SHISA9: variants seen among roughly 807,000 people sequenced by gnomAD.
The protein encoded by SHISA9 is shisa family member 9, also known as protein shisa-9.
Under a neutral mutation model 38.0 loss-of-function variants are expected in SHISA9, and 13 were observed. The observed-to-expected ratio is 0.34, with a 90% CI of 0.22 to 0.54. The LOEUF is 0.54. Ranked by LOEUF, SHISA9 falls within the 20% of genes least tolerant of loss-of-function variation. The pLI is 0.91. For missense variants in SHISA9, 538 were observed against 575.8 expected, an observed-to-expected ratio of 0.93 and a Z score of 0.67; for synonymous variants, 275 against 242.0, an observed-to-expected ratio of 1.14 and a Z score of -1.27.
the SHISA9 span, among the ~76,000 whole-genome samples, chr16:13,434,703 C>T: frequency 2.6e-5 from 4 of 152,130 alleles, no homozygotes; most frequent in South Asian, 8.3e-4. Context: ...CAGGCATGAG[C>T]CACCGTGCCA....
chr16:13,403,961 C>T, the SHISA9 span, among the ~76,000 whole-genome samples: 1 of 152,122 alleles, frequency 6.6e-6, no homozygotes, highest in East Asian at 1.9e-4. Flanking sequence ...CCTATCAAGT[C>T]AGAGTTTGAT....
the SHISA9 span, among the ~76,000 whole-genome samples, chr16:13,449,252 T>A: frequency 6.6e-6 from 1 of 152,156 alleles, no homozygotes; most frequent in African/African-American, 2.4e-5. Flanking sequence ...CAGCAAGAAA[T>A]AGACCAAAAT....
chr16:13,446,934 C>T, the SHISA9 span, among the ~76,000 whole-genome samples: 1 of 149,538 alleles, frequency 6.7e-6, no homozygotes, highest in Non-Finnish European at 1.5e-5. Flanking sequence ...GAACCGAGAT[C>T]TTGCCACTGC....
intron 2 of SHISA9, among the ~76,000 whole-genome samples, chr16:12,925,439 G>C (rs1199023876): frequency 1.1e-4 from 10 of 87,234 alleles, no homozygotes; most frequent in Non-Finnish European, 1.9e-4. Flanking sequence ...ATGAGATTGT[G>C]TGTGTGTATG....
At chr16:13,515,307 C>G in the SHISA9 span, among the ~76,000 whole-genome samples, 1 of 152,200 alleles carries the variant, frequency 6.6e-6, no homozygotes, top group Non-Finnish European at 1.5e-5. Context: ...GGAATTTCCT[C>G]AGGCAGAAGA....
At chr16:12,971,977 A>G (rs1415518601) in intron 2 of SHISA9, among the ~76,000 whole-genome samples, 1 of 151,936 alleles carries the variant, frequency 6.6e-6, no homozygotes, top group Non-Finnish European at 1.5e-5. Context: ...TATGCCAGAC[A>G]CAATTCTAGA....
chr16:13,045,515 A>T lies in SHISA9; in HGVS notation c.691+128700A>T, dbSNP rs1214027881. Reference sequence around the variant, plus strand: ...CTCAAGAAATATTTATTGAGCATCTACTACATGCTTGGCTCTGTTGAAAAC... The same window carrying T: ...CTCAAGAAATATTTATTGAGCATCTTCTACATGCTTGGCTCTGTTGAAAAC... On this transcript the variant is annotated intron_variant, in intron 2 of 4. Coordinates refer to ENST00000558583, the MANE Select transcript of SHISA9 (RefSeq NM_001145204.3). 2.0e-5 allele frequency among the ~76,000 whole-genome samples: 3 copies of T among 151,662 alleles called. No individual in the cohort carries two copies. The East Asian group carries it at 5.9e-4, about 30-fold the overall frequency.
At chr16:13,445,260 T>C in the SHISA9 span, among the ~76,000 whole-genome samples, 1 of 152,136 alleles carries the variant, frequency 6.6e-6, no homozygotes, top group African/African-American at 2.4e-5. Context: ...CAGAGTCTTG[T>C]GGATCCTTCT....
chr16:13,427,856 T>C, the SHISA9 span, among the ~76,000 whole-genome samples: 3 of 152,162 alleles, frequency 2.0e-5, no homozygotes, highest in African/African-American at 7.2e-5. Context: ...CACTCAATAA[T>C]GGGTCAAAAG....
chr16:13,097,441 G>A (rs2073839223), intron 2 of SHISA9, among the ~76,000 whole-genome samples: 1 of 151,568 alleles, frequency 6.6e-6, no homozygotes, highest in Non-Finnish European at 1.5e-5. Flanking sequence ...TTTTTGAGTG[G>A]GGTTTTGCTT....
In SHISA9 at chr16:13,211,094, C is replaced by T. The variant is rs550328717; in HGVS notation, c.848-2159C>T. Among the ~76,000 whole-genome samples, 199 of 152,154 alleles carry T rather than the reference C, an allele frequency of 1.3e-3. 1 individual carries two copies. The highest frequency in any genetic ancestry group is 4.6e-3 in the African/African-American group (191 of 41,506). On this transcript the variant is annotated intron_variant, in intron 3 of 4. Transcript: ENST00000558583. The stretch of plus-strand genomic sequence containing the variant: ...GACAGATCACTTGAGATCAGGAGTT[C>T]GAGACCAGCCTGGCCAACGTGGTGA...
chr16:13,560,397 A>C, the SHISA9 span, among the ~76,000 whole-genome samples: 10 of 152,182 alleles, frequency 6.6e-5, no homozygotes, highest in East Asian at 1.9e-4. Flanking sequence ...CTAATCATGG[A>C]GCTAAGTATT....
At chr16:12,992,109 A>G (rs1488235147) in intron 2 of SHISA9, among the ~76,000 whole-genome samples, 2 of 152,266 alleles carry the variant, frequency 1.3e-5, no homozygotes, top group African/African-American at 2.4e-5. Context: ...CATAATAACA[A>G]CTATCAAGGT....
intron 2 of SHISA9, among the ~76,000 whole-genome samples, chr16:13,027,669 AAG>A (rs1410421876): frequency 2.1e-4 from 32 of 152,078 alleles, no homozygotes; most frequent in African/African-American, 7.0e-4. Flanking sequence ...GCAGGCACTG[AAG>A]AGTGTATAGT....
intron 2 of SHISA9, among the ~76,000 whole-genome samples, chr16:13,078,717 A>G (rs1420434867): frequency 1.3e-5 from 2 of 152,014 alleles, no homozygotes; most frequent in Admixed American, 6.5e-5. Flanking sequence ...CTTCTCAACT[A>G]TTTTTGATTC....
chr16:13,274,915 A>G, the SHISA9 span, among the ~76,000 whole-genome samples: 1 of 152,098 alleles, frequency 6.6e-6, no homozygotes, highest in African/African-American at 2.4e-5. Context: ...CCCAAGATCC[A>G]TTGGAAGTGT....
chr16:13,287,304 C>T, the SHISA9 span, among the ~76,000 whole-genome samples: 1 of 152,082 alleles, frequency 6.6e-6, no homozygotes, highest in African/African-American at 2.4e-5. Flanking sequence ...CTTTGAGGCA[C>T]CGGTGGAACT....
chr16:12,963,332 G>C (rs1168595852), intron 2 of SHISA9, among the ~76,000 whole-genome samples: 1 of 152,196 alleles, frequency 6.6e-6, no homozygotes, highest in Non-Finnish European at 1.5e-5. Context: ...TTTCCTCCAA[G>C]AAAAGCTGGG....
chr16:13,271,369 A>C, the SHISA9 span, among the ~76,000 whole-genome samples: 16 of 152,152 alleles, frequency 1.1e-4, no homozygotes, highest in East Asian at 2.9e-3. Context: ...CAACGTCATC[A>C]TGTGTAGCCA....
Sources: gnomAD v4.1 joint callset for allele counts (sites outside exome capture counted in the v4.1 genomes callset) on GRCh38, gnomAD v4.1.1 for gene constraint, MANE v1.5 for transcripts, NCBI Gene and HGNC (gene_info 2026-07-23, HGNC 2026-07-21) for gene names.